Variants in CELA2A observed in about 807,000 individuals in gnomAD.
CELA2A encodes the protein chymotrypsin-like elastase family member 2A.
A neutral mutation model predicts 35.3 loss-of-function variants in CELA2A; 31 were observed. The ratio of observed to expected loss-of-function variants is 0.88; its 90% confidence interval spans 0.66 to 1.19. The LOEUF is 1.19. CELA2A is among the 50% of genes most tolerant of loss of function. The pLI, the probability that CELA2A is intolerant of heterozygous loss-of-function variation, is 0.00. For synonymous variants in CELA2A, 150 were observed against 149.8 expected (o/e 1.00, Z -0.01); for missense variants, 330 against 352.9 (o/e 0.94, Z 0.52).
intron 3 of CELA2A, chr1:15,462,215 C>A (rs796307163): frequency 3.0e-5 from 14 of 469,588 alleles, no homozygotes; most frequent in African/African-American, 2.8e-4. Flanking sequence ...TCTGCCGGGT[C>A]GGCGTGACTC....
intron 2 of CELA2A, among the ~76,000 whole-genome samples, chr1:15,459,078 A>G (rs1437953772): frequency 6.6e-6 from 1 of 150,776 alleles, no homozygotes; most frequent in Non-Finnish European, 1.5e-5. Context: ...GCAGCCTCCA[A>G]CTCCTGGGCT....
intron 3 of CELA2A, chr1:15,462,073 G>T (rs1347292446): frequency 2.1e-6 from 1 of 478,474 alleles, no homozygotes; most frequent in Non-Finnish European, 4.3e-6. Flanking sequence ...CTGGCACTTA[G>T]TAAGTGCTCA....
chr1:15,465,204 T>G (rs1244609179), intron 5 of CELA2A, among the ~76,000 whole-genome samples: 1 of 151,884 alleles, frequency 6.6e-6, no homozygotes, highest in Non-Finnish European at 1.5e-5. Flanking sequence ...AGAGGTGGGG[T>G]TTCACCATGT....
At chr1:15,463,270 A>G (rs1256670859) in intron 4 of CELA2A, 116 bp from the exon 5 acceptor site, 6 of 1,515,666 alleles carry the variant, frequency 4.0e-6, no homozygotes, top group Non-Finnish European at 5.4e-6. Context: ...CCTGCCAGTC[A>G]GAGCAACCTG....
intron 7 of CELA2A, among the ~76,000 whole-genome samples, chr1:15,470,103 G>A (rs545759258): frequency 3.3e-5 from 5 of 152,278 alleles, no homozygotes; most frequent in Admixed American, 6.5e-5. Context: ...GAGAGCAGTC[G>A]GGACAGGCAC....
chr1:15,471,965 G>A, intron 7 of CELA2A, 25 bp from the exon 8 acceptor site: 2 of 1,614,076 alleles, frequency 1.2e-6, no homozygotes, highest in Non-Finnish European at 1.7e-6. Context: ...AGGTGAACCT[G>A]ACGATTATCT....
intron 5 of CELA2A, among the ~76,000 whole-genome samples, chr1:15,464,110 A>G (rs1708479267): frequency 1.3e-5 from 2 of 152,168 alleles, no homozygotes; most frequent in South Asian, 4.1e-4. Context: ...GGATTAAAGG[A>G]GATAATCCAT....
chr1:15,463,583 T>C (rs1470095901), intron 5 of CELA2A, 61 bp downstream of exon 5: 31 of 1,609,202 alleles, frequency 1.9e-5, no homozygotes, highest in Non-Finnish European at 2.6e-5. Context: ...ACGTCACCCC[T>C]GTCTGGCCGG....
At chr1:15,462,233 G>T in intron 3 of CELA2A, 1 of 469,496 alleles carries the variant, frequency 2.1e-6, no homozygotes, top group South Asian at 1.6e-5. Flanking sequence ...CTCCCTACCA[G>T]GAGTGATCCC....
chr1:15,467,399 G>A lies in CELA2A; in HGVS notation c.653G>A (p.Gly218Glu), dbSNP rs1229597211. 1 of 1,613,332 alleles carries A rather than the reference G, an allele frequency of 6.2e-7. No homozygotes were observed. Among genetic ancestry groups the A allele is most frequent in the Non-Finnish European group, 8.5e-7 (1 of 1,180,034 alleles). The part of the protein sequence containing the change: ...VISSCNGDSG[G>E]PLNCQASDGR... ...GGCCTTCCTCAGGGAGACTCTGGCG[G>A]GCCACTGAACTGTCAGGCGTCTGAC... Residue 218 changes from glycine to glutamate, a missense_variant, in exon 7 of 8, where the codon GGG (glycine) becomes GAG (glutamate). Coordinates refer to ENST00000359621, the MANE Select transcript of CELA2A (RefSeq NM_033440.3).
In CELA2A at chr1:15,466,257, G is replaced by A. The variant is rs138443267; in HGVS notation, c.639+113G>A. On this transcript the variant is annotated intron_variant, in intron 6 of 7. Transcript: ENST00000359621. ...TCCCACCTCCTGGCAGAATTACCCC[G>A]AAACATGTTCCAGATATATCTTTGG... is the stretch of plus-strand genomic sequence containing the variant. 59 of 1,279,472 alleles carry A rather than the reference G, an allele frequency of 4.6e-5. No individual in the cohort carries two copies. In the East Asian group the frequency reaches 7.3e-4, roughly 16 times the overall value. 79.3% of individuals were successfully genotyped at this position (1,279,472 alleles called of 1,614,324 possible).
chr1:15,463,138 C>A, intron 4 of CELA2A: 2 of 719,550 alleles, frequency 2.8e-6, no homozygotes, highest in Non-Finnish European at 4.5e-6. Flanking sequence ...TACTTCATGC[C>A]AGGTCCTGGG....
At position 15,463,369 on chromosome 1, in the gene CELA2A, C is replaced by T. The variant is rs558321967; in HGVS notation, c.357-17C>T. 5 of 1,613,404 alleles carry T rather than the reference C, an allele frequency of 3.1e-6. No homozygotes were observed. Among genetic ancestry groups the T allele is most frequent in the African/African-American group, 1.3e-5 (1 of 75,028 alleles). ...AAGTCAACCCGGTCCTCATGCTTCGCCTCCACACTCACCCAGGAACGACAT... is the reference window on the plus strand; with the variant it reads ...AAGTCAACCCGGTCCTCATGCTTCGTCTCCACACTCACCCAGGAACGACAT... On this transcript the variant is annotated splice_polypyrimidine_tract_variant and intron_variant, in intron 4 of 7. Transcript: ENST00000359621.
At chr1:15,466,262 A>C (rs1318488204) in intron 6 of CELA2A, 118 bp downstream of exon 6, 1 of 1,238,852 alleles carries the variant, frequency 8.1e-7, no homozygotes, top group Non-Finnish European at 1.1e-6. Context: ...ACCCCGAAAC[A>C]TGTTCCAGAT....
In CELA2A at chr1:15,457,133, G is replaced by T; in HGVS notation, c.88G>T (p.Val30Phe). The change falls in exon 2 of 8, where the codon GTT becomes TTT. Residue 30 changes from valine (V) to phenylalanine (F), a missense_variant. Val to Phe is a conservative substitution (Grantham distance 50). Coordinates refer to ENST00000359621, the MANE Select transcript of CELA2A (RefSeq NM_033440.3). ...PTYPPYVTRVVGGEEARPNSW... is the reference protein window; with the variant it reads ...PTYPPYVTRVFGGEEARPNSW... ...TTACCCACCTTATGTGACTAGGGTGGTTGGCGGTGAAGAAGCGAGGCCCAA... is the reference window on the plus strand; with the variant it reads ...TTACCCACCTTATGTGACTAGGGTGTTTGGCGGTGAAGAAGCGAGGCCCAA... 2 of 1,614,140 alleles carry T rather than the reference G, an allele frequency of 1.2e-6. No homozygotes were observed. Among genetic ancestry groups the T allele is most frequent in the Non-Finnish European group, 1.7e-6 (2 of 1,180,040 alleles).
At chr1:15,458,624 A>C (rs1218426938) in intron 2 of CELA2A, among the ~76,000 whole-genome samples, 1 of 152,054 alleles carries the variant, frequency 6.6e-6, no homozygotes, top group Admixed American at 6.6e-5. Flanking sequence ...AGAGACTGTC[A>C]ATGATAGGCC....
Position 15,462,745 on chromosome 1 carries a change from CT to C in CELA2A, c.241del (p.Tyr81ThrfsTer116). Reference sequence around the variant, plus strand: ...CCCTTTCTCCCAGCTCCTCCAGGACCTACCGCGTGGGGCTGGGCCGGCACAA... The same window carrying C: ...CCCTTTCTCCCAGCTCCTCCAGGACCACCGCGTGGGGCTGGGCCGGCACAA... ...AAHCISSSRT[Y>X]RVGLGRHNLY... On this transcript the variant is annotated frameshift_variant, in exon 4 of 8. Coordinates refer to ENST00000359621, the MANE Select transcript of CELA2A (RefSeq NM_033440.3). LOFTEE classifies it high-confidence loss of function. The C allele has an allele frequency of 6.2e-7, 1 of 1,614,052 alleles. No individual in the cohort carries two copies. Among genetic ancestry groups the C allele is most frequent in the Non-Finnish European group, 8.5e-7 (1 of 1,180,002 alleles).
chr1:15,461,033 C>CT (rs1256193706), intron 2 of CELA2A, among the ~76,000 whole-genome samples: 1 of 152,044 alleles, frequency 6.6e-6, no homozygotes. Context: ...GTTCACGCAG[C>CT]GGTAGCAGGG....
chr1:15,457,888 A>G lies in CELA2A; in HGVS notation c.129+714A>G, dbSNP rs184009857. Among the ~76,000 whole-genome samples the G allele has an allele frequency of 5.3e-5, 8 of 152,314 alleles. No homozygotes were observed. The East Asian group carries it at 1.5e-3, about 29-fold the overall frequency. On this transcript the variant is annotated intron_variant, in intron 2 of 7. Transcript: ENST00000359621. ...AACCACAGGCAAATCAATGTTACCA[A>G]TGAAAAAAATGTTTTCTTAAGTTGA...
Sources: gnomAD v4.1 joint callset for allele counts (sites outside exome capture counted in the v4.1 genomes callset) on GRCh38, gnomAD v4.1.1 for gene constraint, MANE v1.5 for transcripts, NCBI Gene and HGNC (gene_info 2026-07-23, HGNC 2026-07-21) for gene names.